The following GNG7 variants were observed in gnomAD, a reference collection of about 807,000 sequenced individuals.
The protein encoded by GNG7 is guanine nucleotide-binding protein G(I)/G(S)/G(O) subunit gamma-7.
In GNG7, 1 loss-of-function variant was observed where a neutral mutation model predicts 4.0. The ratio of observed to expected loss-of-function variants is 0.25; its 90% confidence interval spans 0.09 to 1.18. GNG7 has a LOEUF of 1.18. GNG7 is among the 50% of genes most tolerant of loss of function. The pLI is 0.50. For synonymous variants in GNG7, 34 were observed against 36.9 expected, an observed-to-expected ratio of 0.92 and a Z score of 0.29; for missense variants, 86 against 91.9, an observed-to-expected ratio of 0.94 and a Z score of 0.26.
intron 1 of GNG7, among the ~76,000 whole-genome samples, chr19:2,650,671 C>G (rs1982787914): frequency 6.6e-6 from 1 of 152,194 alleles, no homozygotes; most frequent in African/African-American, 2.4e-5. Context: ...GCGAGCACAG[C>G]GTGGGTGAAG....
chr19:2,648,000 C>A (rs941655201), intron 1 of GNG7, among the ~76,000 whole-genome samples: 1 of 127,372 alleles, frequency 7.9e-6, no homozygotes, highest in African/African-American at 3.1e-5. Context: ...TGCACTCTAG[C>A]CTGGGTGACA....
intron 1 of GNG7, among the ~76,000 whole-genome samples, chr19:2,690,021 CTT>C (rs903774481): frequency 2.0e-5 from 3 of 152,100 alleles, no homozygotes; most frequent in Non-Finnish European, 4.4e-5. Context: ...TTTTCTTTGA[CTT>C]TTGTTTTTTG....
intron 2 of GNG7, among the ~76,000 whole-genome samples, chr19:2,624,060 C>A (rs1016667042): frequency 6.6e-6 from 1 of 151,588 alleles, no homozygotes; most frequent in Non-Finnish European, 1.5e-5. Context: ...GGGAAGGGGA[C>A]GGGGAGCAAG....
At chr19:2,612,587 C>G (rs1320535499) in intron 2 of GNG7, among the ~76,000 whole-genome samples, 1 of 151,478 alleles carries the variant, frequency 6.6e-6, no homozygotes, top group Non-Finnish European at 1.5e-5. Flanking sequence ...AAAATCCAGT[C>G]GACAAAAGAT....
Position 2,557,345 on chromosome 19 carries a change from GCACACACACAGACA to G in GNG7, c.-77-2171_-77-2158del, listed in dbSNP as rs1568242559. On this transcript the variant is annotated intron_variant, in intron 2 of 4. Transcript: ENST00000382159. The surrounding 1 kb of genome is among the most constrained non-coding windows in gnomAD (Gnocchi z 5.1). ...CATGTGCACACAGACACACACATGTGCACACACACAGACACACACACACGTGCACGCACACATGC... is the reference window on the plus strand; with the variant it reads ...CATGTGCACACAGACACACACATGTGCACACACACGTGCACGCACACATGC... Among the ~76,000 whole-genome samples, 7 of 150,910 alleles carry G rather than the reference GCACACACACAGACA, an allele frequency of 4.6e-5. No homozygotes were observed. Among genetic ancestry groups the G allele is most frequent in the Admixed American group, 1.3e-4 (2 of 15,142 alleles).
intron 3 of GNG7, among the ~76,000 whole-genome samples, chr19:2,531,173 C>A (rs1372447884): frequency 6.9e-6 from 1 of 144,964 alleles, no homozygotes; most frequent in Non-Finnish European, 1.5e-5. Context: ...GGCATGATGG[C>A]GGGTTCTTGT....
chr19:2,525,927 A>C (rs371689358), intron 3 of GNG7, among the ~76,000 whole-genome samples: 9 of 145,344 alleles, frequency 6.2e-5, no homozygotes, highest in African/African-American at 2.1e-4. Context: ...CTCTTGCCTC[A>C]GCCTCCCGAG....
At chr19:2,655,979 C>G (rs781763005) in intron 1 of GNG7, among the ~76,000 whole-genome samples, 1 of 143,532 alleles carries the variant, frequency 7.0e-6, no homozygotes, top group Non-Finnish European at 1.5e-5. Flanking sequence ...GAGCCAGGAT[C>G]GTGCCACTGC....
In GNG7 at chr19:2,683,282, C is replaced by A. The variant is rs535430362; in HGVS notation, c.-135+19364G>T. 2.6e-4 allele frequency among the ~76,000 whole-genome samples: 39 copies of A among 151,648 alleles called. No individual in the cohort carries two copies. In the East Asian group the frequency reaches 7.7e-3, roughly 30 times the overall value. The stretch of plus-strand genomic sequence containing the variant: ...TGGGTTCTCACTATGTTGCCCTAGG[C>A]CAGCCTGGGTGGGAGGCCAGGCTGG... On this transcript the variant is annotated intron_variant, in intron 1 of 4. Coordinates refer to ENST00000382159, the MANE Select transcript of GNG7 (RefSeq NM_052847.3).
intron 3 of GNG7, 131 bp from the exon 4 acceptor site, chr19:2,520,856 G>A: frequency 1.7e-6 from 1 of 580,910 alleles, no homozygotes; most frequent in Non-Finnish European, 3.1e-6. Context: ...GGGACCAGGG[G>A]CCTCCGTGTA....
intron 1 of GNG7, among the ~76,000 whole-genome samples, chr19:2,687,371 C>G (rs1373444962): frequency 6.6e-6 from 1 of 150,842 alleles, no homozygotes; most frequent in Non-Finnish European, 1.5e-5. Flanking sequence ...AATGCCAGCA[C>G]TTTGGGAGGC....
At chr19:2,592,784 G>A (rs1225191182) in intron 2 of GNG7, among the ~76,000 whole-genome samples, 2 of 126,938 alleles carry the variant, frequency 1.6e-5, no homozygotes, top group East Asian at 4.9e-4. Context: ...GGAAGGAGAG[G>A]GAGGGAGGGA....
Position 2,575,738 on chromosome 19 carries a change from C to CAGACACAGGCACATGCAGGCACACGCAG in GNG7, c.-77-20551_-77-20550insCTGCGTGTGCCTGCATGTGCCTGTGTCT, listed in dbSNP as rs201042346. Among the ~76,000 whole-genome samples the CAGACACAGGCACATGCAGGCACACGCAG allele has an allele frequency of 2.5e-5, 2 of 79,594 alleles. 1 individual carries two copies. Among genetic ancestry groups the CAGACACAGGCACATGCAGGCACACGCAG allele is most frequent in the African/African-American group, 1.8e-4 (2 of 11,128 alleles). 52.2% of individuals were successfully genotyped at this position (79,594 alleles called of 152,430 possible). A position where few individuals can be genotyped will look rare whatever the true frequency, so the allele number is the denominator to read the frequency against. ...GCACACGCAGACACGCAGGCACACG[C>CAGACACAGGCACATGCAGGCACACGCAG]ACACGCAGGCACACGCAGACACGCA... On this transcript the variant is annotated intron_variant, in intron 2 of 4. Coordinates refer to ENST00000382159, the MANE Select transcript of GNG7 (RefSeq NM_052847.3).
intron 2 of GNG7, among the ~76,000 whole-genome samples, chr19:2,622,330 C>T (rs572196158): frequency 6.6e-6 from 1 of 152,228 alleles, no homozygotes; most frequent in Non-Finnish European, 1.5e-5. Flanking sequence ...CCGCCTGTGT[C>T]GGCCTCCCAA....
chr19:2,537,139 C>T (rs570337148), intron 3 of GNG7, among the ~76,000 whole-genome samples: 28 of 150,734 alleles, frequency 1.9e-4, no homozygotes, highest in East Asian at 1.2e-3. Flanking sequence ...TTAGTAGAGA[C>T]GGGGTTTCAC....
chr19:2,650,636 G>A (rs528966215), intron 1 of GNG7, among the ~76,000 whole-genome samples: 1 of 152,178 alleles, frequency 6.6e-6, no homozygotes, highest in African/African-American at 2.4e-5. Flanking sequence ...GTCTGCACTC[G>A]GCCTCAGAGC....
intron 2 of GNG7, among the ~76,000 whole-genome samples, chr19:2,606,199 T>C (rs1351115582): frequency 1.3e-5 from 2 of 150,914 alleles, no homozygotes; most frequent in African/African-American, 4.9e-5. Context: ...GGCAACATAG[T>C]GAGATCCCAT....
At chr19:2,602,829 G>A (rs1981242072) in intron 2 of GNG7, among the ~76,000 whole-genome samples, 1 of 152,176 alleles carries the variant, frequency 6.6e-6, no homozygotes, top group Admixed American at 6.5e-5. Flanking sequence ...CTGGAAGGGG[G>A]CTCACTGCGG....
chr19:2,663,556 A>G (rs950731525), intron 1 of GNG7, among the ~76,000 whole-genome samples: 1 of 152,220 alleles, frequency 6.6e-6, no homozygotes, highest in Non-Finnish European at 1.5e-5. Flanking sequence ...AAATAAAGAC[A>G]GGTGTGTAGT....
Sources: allele counts gnomAD v4.1 joint callset (sites outside exome capture counted in the v4.1 genomes callset), GRCh38; gene constraint gnomAD v4.1.1; non-coding constraint Gnocchi (gnomAD v3.1); transcripts MANE v1.5; gene names NCBI Gene and HGNC (gene_info 2026-07-23, HGNC 2026-07-21).